The following TTI1 variants were observed in gnomAD, a reference collection of about 807,000 sequenced individuals.
TTI1 encodes the protein TELO2-interacting protein 1 homolog.
A neutral mutation model predicts 85.4 loss-of-function variants in TTI1; 52 were observed. The ratio of observed to expected loss-of-function variants is 0.61; its 90% CI spans 0.49 to 0.77. The LOEUF is 0.77. TTI1 is among the 30% of genes least tolerant of loss of function. TTI1 has a pLI of 0.00. For synonymous variants in TTI1, 512 were observed against 503.9 expected, an observed-to-expected ratio of 1.02 and a Z score of -0.22; for missense variants, 1,173 against 1,296.0, an observed-to-expected ratio of 0.91 and a Z score of 1.46.
intron 6 of TTI1, 66 bp from the exon 7 acceptor site, chr20:37,996,528 C>A: frequency 6.3e-7 from 1 of 1,578,520 alleles, no homozygotes; most frequent in East Asian, 2.2e-5. Context: ...CAGTGACCAA[C>A]TGTGTCTGGA....
At chr20:38,024,771 G>A (rs1228166110) in intron 1 of TTI1, among the ~76,000 whole-genome samples, 2 of 152,196 alleles carry the variant, frequency 1.3e-5, no homozygotes, top group Non-Finnish European at 2.9e-5. Flanking sequence ...GGGATGGTGT[G>A]AAGGAAGACA....
chr20:38,026,827 A>C (rs1337583487), intron 1 of TTI1, among the ~76,000 whole-genome samples: 1 of 152,248 alleles, frequency 6.6e-6, no homozygotes, highest in East Asian at 1.9e-4. Flanking sequence ...TGAAGCAAAA[A>C]TTGTAATGCC....
rs1200668170 is a variant in TTI1, at chr20:37,996,635, G to A, written c.2998+114C>T. ...TGGACAAATGAGGCCAAAATAAGAC[G>A]GAAGGAGGTACACAGAGGGGAGGGG... On this transcript the variant is annotated intron_variant, in intron 6 of 7. Coordinates refer to ENST00000373447, the MANE Select transcript of TTI1 (RefSeq NM_001303457.2). The A allele has an allele frequency of 9.9e-6, 14 of 1,410,530 alleles. No homozygotes were observed. In the East Asian group the frequency reaches 1.4e-4, roughly 14 times the overall value. The allele number at this position is 1,410,530 out of a possible 1,614,324, so 87.4% of individuals were successfully genotyped here.
In TTI1 at chr20:37,983,223, G is replaced by A. The variant is rs1308498710; in HGVS notation, c.*233C>T. On this transcript the variant is annotated 3_prime_UTR_variant, in exon 8 of 8. Coordinates refer to ENST00000373447, the MANE Select transcript of TTI1 (RefSeq NM_001303457.2). ...TAGGCTAAGGGGTTAAACCCTTAGA[G>A]CCACCAGACAATGTCACTTGACAAC... The A allele has an allele frequency of 6.3e-6, 3 of 473,244 alleles. No individual in the cohort carries two copies. The highest frequency in any genetic ancestry group is 1.1e-5 in the Non-Finnish European group (3 of 261,894). 29.3% of individuals were successfully genotyped at this position (473,244 alleles called of 1,614,324 possible).
At chr20:38,031,591 C>G (rs541101527) in intron 1 of TTI1, among the ~76,000 whole-genome samples, 1 of 152,326 alleles carries the variant, frequency 6.6e-6, no homozygotes, top group African/African-American at 2.4e-5. Flanking sequence ...TCTAAACTTG[C>G]ATGTTTGTTT....
rs1159604655 is a variant in TTI1 at position 38,020,323 on chromosome 20, A to AATATATATATATATATATATATATAT, written c.-41-6492_-41-6467dup. Among the ~76,000 whole-genome samples the AATATATATATATATATATATATATAT allele has an allele frequency of 1.8e-4, 9 of 50,380 alleles. 1 individual carries two copies. In the South Asian group the frequency reaches 2.8e-3, roughly 16 times the overall value. 33.1% of individuals were successfully genotyped at this position (50,380 alleles called of 152,430 possible). On this transcript the variant is annotated intron_variant, in intron 1 of 7. Coordinates refer to ENST00000373447, the MANE Select transcript of TTI1 (RefSeq NM_001303457.2). ...GGCTACTCATATGAAAAAAAAAAAAAATATATATATATATATATATATATA... is the reference window on the plus strand; with the variant it reads ...GGCTACTCATATGAAAAAAAAAAAAAATATATATATATATATATATATATATATATATATATATATATATATATATA...
At chr20:38,027,856 G>A (rs577804693) in intron 1 of TTI1, among the ~76,000 whole-genome samples, 43 of 152,208 alleles carry the variant, frequency 2.8e-4, no homozygotes, top group African/African-American at 8.7e-4. Context: ...CCCGGGAGGC[G>A]GAGGTTGCAG....
intron 7 of TTI1, 25 bp downstream of exon 7, chr20:37,996,350 G>C: frequency 6.2e-7 from 1 of 1,612,860 alleles, no homozygotes; most frequent in Non-Finnish European, 8.5e-7. Context: ...AACGTAAAGG[G>C]ATGCGGGTGA....
chr20:37,999,998 G>A (rs1466264850), intron 4 of TTI1, among the ~76,000 whole-genome samples: 1 of 152,226 alleles, frequency 6.6e-6, no homozygotes, highest in African/African-American at 2.4e-5. Context: ...AAGGGTGACA[G>A]AGAAACAAAG....
chr20:38,013,270 A>G lies in TTI1; in HGVS notation c.547T>C (p.Leu183=), dbSNP rs147136361. 2 of 1,613,982 alleles carry G rather than the reference A, an allele frequency of 1.2e-6. No homozygotes were observed. The highest frequency in any genetic ancestry group is 2.7e-5 in the African/African-American group (2 of 74,944). Residue 183 remains leucine (L), a synonymous_variant, in exon 2 of 8, where the codon TTG becomes CTG. Coordinates refer to ENST00000373447, the MANE Select transcript of TTI1 (RefSeq NM_001303457.2). ...AALKCLQVLL[L]QCDCQDHPRS... Reference sequence around the variant, plus strand: ...GGATGGTCCTGACAATCACACTGCAAGAGTAGAACCTGTAAACATTTTAAG... The same window carrying G: ...GGATGGTCCTGACAATCACACTGCAGGAGTAGAACCTGTAAACATTTTAAG...
rs1412517267 is a variant in TTI1 at position 38,013,757 on chromosome 20, C to G, written c.60G>C (p.Gln20His). The G allele has an allele frequency of 6.2e-7, 1 of 1,614,102 alleles. No individual in the cohort carries two copies. The highest frequency in any genetic ancestry group is 2.2e-5 in the East Asian group (1 of 44,886). ...AFGVLRPVCVQLTKTQTVENV... is the reference protein window; with the variant it reads ...AFGVLRPVCVHLTKTQTVENV... ...TCTCCACTGTCTGGGTCTTTGTGAGCTGAACACAGACTGGACGTAAGACAC... is the reference window on the plus strand; with the variant it reads ...TCTCCACTGTCTGGGTCTTTGTGAGGTGAACACAGACTGGACGTAAGACAC... The change falls in exon 2 of 8, where the codon CAG becomes CAC. Residue 20 changes from glutamine (Q) to histidine (H), a missense_variant. Transcript: ENST00000373447.
chr20:37,997,362 A>C (rs550633084), intron 5 of TTI1, among the ~76,000 whole-genome samples: 2 of 152,322 alleles, frequency 1.3e-5, no homozygotes, highest in East Asian at 3.9e-4. Context: ...TAGCTGAGCA[A>C]ACACAAATAC....
intron 7 of TTI1, among the ~76,000 whole-genome samples, chr20:37,988,734 C>T (rs748920964): frequency 1.3e-5 from 2 of 152,188 alleles, no homozygotes; most frequent in Non-Finnish European, 2.9e-5. Flanking sequence ...CTTAGGAACA[C>T]GATACAGGCT....
intron 1 of TTI1, among the ~76,000 whole-genome samples, chr20:38,019,880 G>A (rs529588032): frequency 6.6e-6 from 1 of 152,270 alleles, no homozygotes; most frequent in African/African-American, 2.4e-5. Flanking sequence ...CAACCCAGGT[G>A]TAACAAACAA....
chr20:38,011,342 A>T (rs1428013585), intron 2 of TTI1, among the ~76,000 whole-genome samples, 173 bp downstream of exon 2: 1 of 152,218 alleles, frequency 6.6e-6, no homozygotes, highest in Non-Finnish European at 1.5e-5. Flanking sequence ...GAGATTACTG[A>T]AAGTATAAAA....
chr20:37,987,277 G>C (rs1162221386), intron 7 of TTI1: 3 of 456,736 alleles, frequency 6.6e-6, no homozygotes, highest in South Asian at 4.6e-5. Flanking sequence ...AGCCAAAGTT[G>C]TTGAAAACTC....
chr20:38,020,685 A>T (rs914205502), intron 1 of TTI1, among the ~76,000 whole-genome samples: 1 of 152,198 alleles, frequency 6.6e-6, no homozygotes, highest in Non-Finnish European at 1.5e-5. Flanking sequence ...GAAACATGAA[A>T]AAGGACCTGA....
At chr20:37,992,930 A>G (rs2073285119) in intron 7 of TTI1, among the ~76,000 whole-genome samples, 1 of 152,156 alleles carries the variant, frequency 6.6e-6, no homozygotes, top group South Asian at 2.1e-4. Flanking sequence ...TTGCCACTGC[A>G]GTTGGCTGAG....
intron 7 of TTI1, among the ~76,000 whole-genome samples, chr20:37,992,663 A>G (rs1198483632): frequency 6.6e-6 from 1 of 152,198 alleles, no homozygotes; most frequent in Non-Finnish European, 1.5e-5. Flanking sequence ...GATGATATAA[A>G]ACCTCACTGC....
Sources: allele counts gnomAD v4.1 joint callset (sites outside exome capture counted in the v4.1 genomes callset), GRCh38; gene constraint gnomAD v4.1.1; transcripts MANE v1.5; gene names NCBI Gene and HGNC (gene_info 2026-07-23, HGNC 2026-07-21).